Variants in SLC1A4 observed in about 807,000 individuals in gnomAD.
SLC1A4 encodes the protein neutral amino acid transporter A.
SLC1A4 carries 19 observed loss-of-function variants against 37.7 expected under a neutral mutation model. The ratio of observed to expected loss-of-function variants is 0.50; its 90% CI spans 0.35 to 0.74. SLC1A4 has a LOEUF of 0.74. Ranked by LOEUF, SLC1A4 falls within the 30% of genes least tolerant of loss-of-function variation. The pLI is 0.01. For missense variants in SLC1A4, 570 were observed against 712.9 expected, an observed-to-expected ratio of 0.80 and a Z score of 2.28; for synonymous variants, 299 against 309.8, an observed-to-expected ratio of 0.97 and a Z score of 0.37.
chr2:65,013,040 C>G (rs1398078750), intron 4 of SLC1A4, among the ~76,000 whole-genome samples: 1 of 152,066 alleles, frequency 6.6e-6, no homozygotes, highest in Non-Finnish European at 1.5e-5. Flanking sequence ...CTGGGAAGGC[C>G]TCAGGAAACT....
intron 4 of SLC1A4, 127 bp from the exon 5 acceptor site, chr2:65,016,313 C>T (rs750935004): frequency 5.6e-5 from 42 of 749,948 alleles, no homozygotes; most frequent in South Asian, 1.6e-4. Flanking sequence ...TTCGGTTCCT[C>T]GGGGTTATCC....
intron 1 of SLC1A4, chr2:64,999,474 C>T (rs924655966): frequency 6.6e-6 from 1 of 152,164 alleles, no homozygotes; most frequent in South Asian, 2.1e-4. Context: ...CAAACTACTA[C>T]ACATTTAACA....
chr2:64,999,374 T>C (rs1216208942), intron 1 of SLC1A4: 2 of 152,260 alleles, frequency 1.3e-5, no homozygotes, highest in Non-Finnish European at 2.9e-5. Context: ...AGGCTGTGTA[T>C]GCTGGCCGTC....
chr2:65,003,105 G>A (rs2103650090), intron 2 of SLC1A4, among the ~76,000 whole-genome samples: 1 of 152,270 alleles, frequency 6.6e-6, no homozygotes, highest in South Asian at 2.1e-4. Flanking sequence ...TCACAGAGGA[G>A]GCGGGTGGGT....
At chr2:64,992,556 T>C (rs1045969359) in intron 1 of SLC1A4, among the ~76,000 whole-genome samples, 1 of 152,188 alleles carries the variant, frequency 6.6e-6, no homozygotes, top group African/African-American at 2.4e-5. Context: ...GCAGGTGGTA[T>C]ATCCCATTTT....
chr2:64,993,369 TG>T (rs1250623388), intron 1 of SLC1A4, among the ~76,000 whole-genome samples: 1 of 152,248 alleles, frequency 6.6e-6, no homozygotes, highest in African/African-American at 2.4e-5. Flanking sequence ...CATGTGTATA[TG>T]TTTTTTTAAA....
At chr2:65,019,512 G>A (rs576943925) in intron 7 of SLC1A4, among the ~76,000 whole-genome samples, 18 of 152,294 alleles carry the variant, frequency 1.2e-4, no homozygotes, top group Admixed American at 7.2e-4. Context: ...TAATGAGCAC[G>A]TGGTAAAACA....
Position 65,021,378 on chromosome 2 carries a change from C to A in SLC1A4, c.*232C>A, listed in dbSNP as rs1322440600. The A allele has an allele frequency of 5.4e-6, 3 of 558,730 alleles. No individual in the cohort carries two copies. Among genetic ancestry groups the A allele is most frequent in the Non-Finnish European group, 9.6e-6 (3 of 312,404 alleles). 34.6% of individuals were successfully genotyped at this position (558,730 alleles called of 1,614,324 possible). The stretch of plus-strand genomic sequence containing the variant: ...ATTCGGCTTGATCCATGTCCAGGTG[C>A]AACTGTGTGTACACCAGGGATCTGT... On this transcript the variant is annotated 3_prime_UTR_variant, in exon 8 of 8. Coordinates refer to ENST00000234256, the MANE Select transcript of SLC1A4 (RefSeq NM_003038.5).
At chr2:64,988,966 G>A (rs1197469379), upstream of SLC1A4, among the ~76,000 whole-genome samples, 1 of 151,256 alleles carries the variant, frequency 6.6e-6, no homozygotes. Flanking sequence ...ACAGTCCTCA[G>A]GAGGAGGAAC....
chr2:64,991,729 T>A (rs2103628692), intron 1 of SLC1A4, among the ~76,000 whole-genome samples: 1 of 152,234 alleles, frequency 6.6e-6, no homozygotes, highest in East Asian at 1.9e-4. Flanking sequence ...GCCTCCCGAG[T>A]AGCTGGGATT....
chr2:64,994,992 A>G (rs539993466), intron 1 of SLC1A4: 8 of 152,210 alleles, frequency 5.3e-5, no homozygotes, highest in Non-Finnish European at 1.0e-4. Context: ...AGGCAAGATG[A>G]AGACAGCACA....
At chr2:65,012,931 G>A (rs916699404) in intron 4 of SLC1A4, among the ~76,000 whole-genome samples, 6 of 152,170 alleles carry the variant, frequency 3.9e-5, no homozygotes, top group Admixed American at 6.5e-5. Flanking sequence ...GTATTAGTCC[G>A]TTCTCACACT....
chr2:64,999,266 A>T (rs1159662908), intron 1 of SLC1A4, among the ~76,000 whole-genome samples: 1 of 152,172 alleles, frequency 6.6e-6, no homozygotes, highest in African/African-American at 2.4e-5. Context: ...CTAAAGATTA[A>T]TTTTTTCTGC....
In SLC1A4 at chr2:65,016,625, T is replaced by G. The variant is rs746242166; in HGVS notation, c.986T>G (p.Leu329Arg). The G allele has an allele frequency of 6.2e-7, 1 of 1,614,236 alleles. No homozygotes were observed. The highest frequency in any genetic ancestry group is 8.5e-7 in the Non-Finnish European group (1 of 1,180,040). Reference protein sequence around the residue: ...VFTRKNPFRFLLGLLAPFATA... With the variant: ...VFTRKNPFRFRLGLLAPFATA... ...ACACGAAAAAACCCATTCAGATTCC[T>G]CCTGGGCCTCCTCGCCCCATTTGCG... Residue 329 changes from leucine to arginine, a missense_variant, in exon 5 of 8, where the codon CTC becomes CGC. Physicochemically the swap from Leu to Arg is moderately radical, Grantham distance 102. Coordinates refer to ENST00000234256, the MANE Select transcript of SLC1A4 (RefSeq NM_003038.5).
At chr2:64,996,505 A>G (rs957874971) in intron 1 of SLC1A4, among the ~76,000 whole-genome samples, 3 of 152,214 alleles carry the variant, frequency 2.0e-5, no homozygotes, top group African/African-American at 7.2e-5. Context: ...CGAACACAGG[A>G]TGACCATTTG....
intron 1 of SLC1A4, among the ~76,000 whole-genome samples, chr2:64,992,688 TC>T (rs1673104530): frequency 6.6e-6 from 1 of 152,164 alleles, no homozygotes; most frequent in Non-Finnish European, 1.5e-5. Context: ...TCTCTCTTTC[TC>T]CTAATCCCTC....
At chr2:64,997,716 G>C (rs183330786) in intron 1 of SLC1A4, among the ~76,000 whole-genome samples, 2 of 152,208 alleles carry the variant, frequency 1.3e-5, no homozygotes, top group Non-Finnish European at 2.9e-5. Context: ...TTCATCTGTT[G>C]ATGGACATTT....
chr2:64,998,766 A>C (rs1291571283), intron 1 of SLC1A4, among the ~76,000 whole-genome samples: 1 of 152,240 alleles, frequency 6.6e-6, no homozygotes, highest in Non-Finnish European at 1.5e-5. Flanking sequence ...TGTGCTCTTT[A>C]GAAGAGAATG....
intron 1 of SLC1A4, chr2:64,994,949 G>A (rs1461921583): frequency 3.3e-5 from 5 of 152,132 alleles, no homozygotes; most frequent in African/African-American, 1.2e-4. Context: ...TGACTGTGGC[G>A]GGTTGTTGTA....
Sources: gnomAD v4.1 joint callset for allele counts (sites outside exome capture counted in the v4.1 genomes callset) on GRCh38, gnomAD v4.1.1 for gene constraint, MANE v1.5 for transcripts, NCBI Gene and HGNC (gene_info 2026-07-23, HGNC 2026-07-21) for gene names.